GABRA5: variants seen among roughly 807,000 people sequenced by gnomAD.
GABRA5 encodes the protein gamma-aminobutyric acid receptor subunit alpha-5.
GABRA5 carries 18 observed loss-of-function variants against 47.3 expected under a neutral mutation model. The ratio of observed to expected loss-of-function variants is 0.38; its 90% confidence interval spans 0.26 to 0.56. The LOEUF (loss-of-function observed/expected upper bound fraction) is 0.56, where lower values mean the gene tolerates loss of function less well. Ranked by LOEUF, GABRA5 falls within the 20% of genes least tolerant of loss-of-function variation. The pLI, the probability that GABRA5 is intolerant of heterozygous loss-of-function variation, is 0.71. For synonymous variants in GABRA5, 237 were observed against 229.3 expected (o/e 1.03, Z -0.30); for missense variants, 365 against 599.3 (o/e 0.61, Z 4.08).
At chr15:26,890,426 A>ATTTTTTTTTTTTTT (rs201726196) in intron 6 of GABRA5, among the ~76,000 whole-genome samples, 136 of 128,560 alleles carry the variant, frequency 1.1e-3, no homozygotes, top group East Asian at 4.4e-3. Flanking sequence ...AGTCACTTCA[A>ATTTTTTTTTTTTTT]TTTTTTTTTT....
At chr15:26,926,906 A>T (rs1282610608) in intron 7 of GABRA5, among the ~76,000 whole-genome samples, 1 of 152,174 alleles carries the variant, frequency 6.6e-6, no homozygotes, top group Non-Finnish European at 1.5e-5. Context: ...TTCATCTTTA[A>T]CAATGAACCA....
chr15:26,920,340 T>C (rs1366317347), intron 7 of GABRA5, among the ~76,000 whole-genome samples: 1 of 152,010 alleles, frequency 6.6e-6, no homozygotes, highest in East Asian at 1.9e-4. Context: ...TTTCCAGTGA[T>C]CTATTTTTGA....
Position 26,948,258 on chromosome 15 carries a change from A to C in GABRA5, c.*25A>C, listed in dbSNP as rs1595441488. 1 of 1,602,304 alleles carries C rather than the reference A, an allele frequency of 6.2e-7. No homozygotes were observed. On this transcript the variant is annotated 3_prime_UTR_variant, in exon 11 of 11. Transcript: ENST00000335625. The stretch of plus-strand genomic sequence containing the variant: ...ACCGGCCACACTCCCAAACTCCAAG[A>C]CAGCCATACTTCCAGCGAAATGGTA...
chr15:26,870,268 C>A (rs1892432163), intron 3 of GABRA5, among the ~76,000 whole-genome samples: 1 of 152,312 alleles, frequency 6.6e-6, no homozygotes, highest in African/African-American at 2.4e-5. Context: ...AGAAGACATC[C>A]CCAGGGCCAT....
intron 6 of GABRA5, among the ~76,000 whole-genome samples, chr15:26,892,781 A>C (rs149789478): frequency 0.84 from 128,231 of 152,160 alleles, 54,502 homozygotes; most frequent in Non-Finnish European, 0.9. Flanking sequence ...GGATGGAATC[A>C]GCTGAAGGGC....
intron 6 of GABRA5, among the ~76,000 whole-genome samples, chr15:26,897,119 A>C (rs9745027): frequency 0.51 from 77,816 of 151,788 alleles, 20,102 homozygotes; most frequent in Middle Eastern, 0.56. Flanking sequence ...GCCATTATAG[A>C]GAATACATGA....
In GABRA5 at chr15:26,914,910, C is replaced by A. The variant is rs746525162; in HGVS notation, c.580+25C>A. On this transcript the variant is annotated intron_variant, in intron 7 of 10. Coordinates refer to ENST00000335625, the MANE Select transcript of GABRA5 (RefSeq NM_000810.4). ...TGTAAGTTATTTTCACAAGTAAGAG[C>A]CTTGGACATATACTTTGGGGATCAA... The A allele has an allele frequency of 5.7e-6, 9 of 1,580,984 alleles. No individual in the cohort carries two copies. The South Asian group carries it at 1.0e-4, about 17-fold the overall frequency.
At chr15:26,930,790 C>A (rs781169032) in intron 7 of GABRA5, among the ~76,000 whole-genome samples, 1 of 152,104 alleles carries the variant, frequency 6.6e-6, no homozygotes, top group Non-Finnish European at 1.5e-5. Context: ...CCCAAAGCCA[C>A]TTCCACATTT....
At chr15:26,902,744 C>G (rs1893355775) in intron 6 of GABRA5, among the ~76,000 whole-genome samples, 1 of 152,052 alleles carries the variant, frequency 6.6e-6, no homozygotes. Context: ...CTTTTAATTT[C>G]TCACTATTAA....
intron 9 of GABRA5, among the ~76,000 whole-genome samples, chr15:26,942,621 A>G (rs1894411509): frequency 6.6e-6 from 1 of 152,106 alleles, no homozygotes; most frequent in African/African-American, 2.4e-5. Context: ...CACTCACTCT[A>G]CACGTCTTTG....
chr15:26,919,768 A>C (rs1380997326), intron 7 of GABRA5, among the ~76,000 whole-genome samples: 1 of 151,964 alleles, frequency 6.6e-6, no homozygotes, highest in East Asian at 1.9e-4. Context: ...CATTCTTTCA[A>C]CTTGAAAAAC....
intron 6 of GABRA5, among the ~76,000 whole-genome samples, chr15:26,899,013 A>C (rs1230179775): frequency 6.6e-6 from 1 of 152,052 alleles, no homozygotes; most frequent in Non-Finnish European, 1.5e-5. Flanking sequence ...TAGGCACATG[A>C]CACCATGCCC....
chr15:26,897,721 T>G (rs1168333221), intron 6 of GABRA5, among the ~76,000 whole-genome samples: 1 of 152,182 alleles, frequency 6.6e-6, no homozygotes, highest in African/African-American at 2.4e-5. Context: ...ACAAGATGCC[T>G]CTCGTTACTT....
intron 8 of GABRA5, among the ~76,000 whole-genome samples, chr15:26,937,778 C>T (rs1176403487): frequency 1.3e-5 from 2 of 152,236 alleles, no homozygotes; most frequent in African/African-American, 4.8e-5. Context: ...ATGCCAAGTG[C>T]CCTGGGCTGG....
At chr15:26,880,200 C>A (rs1285663774) in intron 3 of GABRA5, among the ~76,000 whole-genome samples, 4 of 152,138 alleles carry the variant, frequency 2.6e-5, no homozygotes, top group Non-Finnish European at 5.9e-5. Context: ...GAGGGTCAGC[C>A]CACTTTTCTT....
At chr15:26,936,701 TG>T (rs371204154) in intron 7 of GABRA5, among the ~76,000 whole-genome samples, 13 of 152,110 alleles carry the variant, frequency 8.5e-5, no homozygotes, top group African/African-American at 2.4e-4. Flanking sequence ...GTGGAAGGCT[TG>T]GAGTAGGGAA....
chr15:26,911,373 A>ACG (rs1566877341), intron 6 of GABRA5, among the ~76,000 whole-genome samples: 5 of 117,934 alleles, frequency 4.2e-5, no homozygotes, highest in African/African-American at 1.6e-4. Context: ...TGCTGCATGC[A>ACG]CACACACACA....
Position 26,942,565 on chromosome 15 carries a change from A to G in GABRA5, c.878-650A>G, listed in dbSNP as rs1022060808. Among the ~76,000 whole-genome samples the G allele has an allele frequency of 2.0e-5, 3 of 152,130 alleles. No individual in the cohort carries two copies. In the East Asian group the frequency reaches 5.8e-4, roughly 29 times the overall value. Reference sequence around the variant, plus strand: ...ACCTACTGGCTGCGGCATGAATGTGACTGTCATTCTGCCTTGGATCTTGCC... The same window carrying G: ...ACCTACTGGCTGCGGCATGAATGTGGCTGTCATTCTGCCTTGGATCTTGCC... On this transcript the variant is annotated intron_variant, in intron 9 of 10. Coordinates refer to ENST00000335625, the MANE Select transcript of GABRA5 (RefSeq NM_000810.4).
chr15:26,926,899 A>G (rs1893973807), intron 7 of GABRA5, among the ~76,000 whole-genome samples: 1 of 152,166 alleles, frequency 6.6e-6, no homozygotes, highest in South Asian at 2.1e-4. Context: ...CTAAATTTTC[A>G]TCTTTAACAA....
Sources: allele counts gnomAD v4.1 joint callset (sites outside exome capture counted in the v4.1 genomes callset), GRCh38; gene constraint gnomAD v4.1.1; transcripts MANE v1.5; gene names NCBI Gene and HGNC (gene_info 2026-07-23, HGNC 2026-07-21).